NRG1: variants seen among roughly 807,000 people sequenced by gnomAD.
NRG1 encodes pro-neuregulin-1, membrane-bound isoform.
Under a neutral mutation model 63.8 loss-of-function variants are expected in NRG1, and 18 were observed. That is an observed-to-expected ratio of 0.28 (90% CI 0.19 to 0.42). NRG1 has a LOEUF of 0.42. Ranked by LOEUF, NRG1 falls within the 10% of genes least tolerant of loss-of-function variation. The probability of loss-of-function intolerance (pLI) is 1.00; values close to 1 mark genes in which losing one functional copy is unlikely to be tolerated. For synonymous variants in NRG1, 302 were observed against 301.3 expected (o/e 1.00, Z -0.02); for missense variants, 762 against 814.7 (o/e 0.94, Z 0.79).
At chr8:32,082,816 C>T (rs1827667221) in intron 1 of NRG1, among the ~76,000 whole-genome samples, 1 of 152,026 alleles carries the variant, frequency 6.6e-6, no homozygotes, top group South Asian at 2.1e-4. Flanking sequence ...TGTACAGTCA[C>T]ATTGTATATT....
intron 5 of NRG1, among the ~76,000 whole-genome samples, chr8:32,703,838 A>G (rs1815622433): frequency 6.6e-6 from 1 of 152,190 alleles, no homozygotes; most frequent in Non-Finnish European, 1.5e-5. Context: ...CGATCTTTGA[A>G]AAAGTATTGG....
At chr8:31,780,366 T>C (rs1819563613) in intron 1 of NRG1, among the ~76,000 whole-genome samples, 2 of 152,142 alleles carry the variant, frequency 1.3e-5, no homozygotes, top group Non-Finnish European at 2.9e-5. Flanking sequence ...AGGCTTATGG[T>C]TTTATAACAT....
intron 1 of NRG1, among the ~76,000 whole-genome samples, chr8:32,089,409 G>A (rs1828764432): frequency 6.6e-6 from 1 of 152,148 alleles, no homozygotes; most frequent in African/African-American, 2.4e-5. Context: ...TCTTGCATAT[G>A]AAACATGAAT....
intron 11 of NRG1, among the ~76,000 whole-genome samples, chr8:32,762,400 C>T (rs1046357054): frequency 6.6e-6 from 1 of 152,100 alleles, no homozygotes; most frequent in African/African-American, 2.4e-5. Flanking sequence ...ACGAAATATT[C>T]CTGAACCTAG....
intron 1 of NRG1, among the ~76,000 whole-genome samples, chr8:32,387,963 T>G (rs1811227124): frequency 6.6e-6 from 1 of 152,196 alleles, no homozygotes; most frequent in African/African-American, 2.4e-5. Context: ...TCCTCAAGCT[T>G]GTTACGATTC....
chr8:32,681,134 C>G (rs974300824), intron 5 of NRG1, among the ~76,000 whole-genome samples: 2 of 152,034 alleles, frequency 1.3e-5, no homozygotes, highest in African/African-American at 4.8e-5. Flanking sequence ...ATCAGATATA[C>G]AAATGAAGAC....
At chr8:32,269,462 C>T (rs1477718924) in intron 1 of NRG1, among the ~76,000 whole-genome samples, 1 of 152,074 alleles carries the variant, frequency 6.6e-6, no homozygotes, top group Non-Finnish European at 1.5e-5. Flanking sequence ...ACGTCTTTCC[C>T]AGAGGTGAAG....
chr8:32,276,884 A>G (rs1217802165), intron 1 of NRG1, among the ~76,000 whole-genome samples: 2 of 152,200 alleles, frequency 1.3e-5, no homozygotes, highest in Non-Finnish European at 2.9e-5. Context: ...AGGTACTTGC[A>G]GGTGGGACAG....
At chr8:31,971,699 A>AG (rs1159811502) in intron 1 of NRG1, among the ~76,000 whole-genome samples, 2 of 152,146 alleles carry the variant, frequency 1.3e-5, no homozygotes, top group African/African-American at 2.4e-5. Context: ...AAAGAAAAAA[A>AG]CTGATTAAAT....
chr8:32,529,680 T>A (rs1301502811), intron 1 of NRG1, among the ~76,000 whole-genome samples: 7 of 152,076 alleles, frequency 4.6e-5, no homozygotes, highest in African/African-American at 1.7e-4. Context: ...ACACACACAT[T>A]ATCCTAGGCC....
intron 1 of NRG1, among the ~76,000 whole-genome samples, chr8:32,372,234 C>A (rs746487267): frequency 5.3e-5 from 8 of 151,990 alleles, no homozygotes; most frequent in Non-Finnish European, 8.8e-5. Context: ...AACAAATCCT[C>A]TCTCCTCAGC....
intron 1 of NRG1, among the ~76,000 whole-genome samples, chr8:31,736,203 A>G (rs745421830): frequency 6.6e-6 from 1 of 152,122 alleles, no homozygotes; most frequent in Non-Finnish European, 1.5e-5. Context: ...GGCATCACTG[A>G]TGTTTCAGAA....
chr8:31,956,463 C>CAA (rs113122298), intron 1 of NRG1, among the ~76,000 whole-genome samples: 4 of 151,830 alleles, frequency 2.6e-5, no homozygotes, highest in South Asian at 2.1e-4. Context: ...TAAAAAAATA[C>CAA]AAAAAAATTA....
At chr8:32,141,276 A>G (rs755020609) in intron 1 of NRG1, among the ~76,000 whole-genome samples, 1 of 152,060 alleles carries the variant, frequency 6.6e-6, no homozygotes, top group Non-Finnish European at 1.5e-5. Context: ...TAAAGTAGTC[A>G]TTGTATATAA....
rs189531566 is a variant in NRG1 at position 31,986,039 on chromosome 8, G to A, written c.37+346608G>A. Among the ~76,000 whole-genome samples, 25 of 152,182 alleles carry A rather than the reference G, an allele frequency of 1.6e-4. No individual in the cohort carries two copies. In the East Asian group the frequency reaches 3.1e-3, roughly 19 times the overall value. ...ACTTATCCTCTAAGTGATCTCAGTC[G>A]AATCATTTGCTGTCTTGGTTTCACT... On this transcript the variant is annotated intron_variant, in intron 1 of 10. Transcript: ENST00000519301.
At chr8:32,755,749 A>AT (rs112433027) in intron 8 of NRG1, among the ~76,000 whole-genome samples, 5,793 of 147,396 alleles carry the variant, frequency 0.039, 353 homozygotes, top group African/African-American at 0.13. Flanking sequence ...TCTACAGCAC[A>AT]TTTTTTTTTT....
At chr8:32,236,427 CAG>C (rs1847567741) in intron 1 of NRG1, among the ~76,000 whole-genome samples, 1 of 152,000 alleles carries the variant, frequency 6.6e-6, no homozygotes. Flanking sequence ...AAATATTGAA[CAG>C]AGTGTGAAGG....
chr8:32,656,473 C>A (rs1801511377), intron 5 of NRG1, among the ~76,000 whole-genome samples: 1 of 152,124 alleles, frequency 6.6e-6, no homozygotes. Flanking sequence ...TAGATATACA[C>A]ACTTAAGGGA....
chr8:32,286,359 G>A (rs1195308348), intron 1 of NRG1, among the ~76,000 whole-genome samples: 1 of 152,196 alleles, frequency 6.6e-6, no homozygotes, highest in African/African-American at 2.4e-5. Context: ...AGGTAGGTGG[G>A]GGCTGATGGT....
Sources: allele counts gnomAD v4.1 joint callset (sites outside exome capture counted in the v4.1 genomes callset), GRCh38; gene constraint gnomAD v4.1.1; transcripts MANE v1.5; gene names NCBI Gene and HGNC (gene_info 2026-07-23, HGNC 2026-07-21).